The following SMPDL3B variants were observed in gnomAD, a reference collection of about 807,000 sequenced individuals.
The protein encoded by SMPDL3B is acid sphingomyelinase-like phosphodiesterase 3b.
SMPDL3B carries 31 observed loss-of-function variants against 37.9 expected under a neutral mutation model. That is an observed-to-expected ratio of 0.82 (90% CI 0.61 to 1.10). The LOEUF (loss-of-function observed/expected upper bound fraction) is 1.10. Ranked by LOEUF, SMPDL3B falls within the 50% of genes least tolerant of loss-of-function variation. The pLI, the probability that SMPDL3B is intolerant of heterozygous loss-of-function variation, is 0.00. For synonymous variants in SMPDL3B, 235 were observed against 242.6 expected, an observed-to-expected ratio of 0.97 and a Z score of 0.29; for missense variants, 525 against 597.8, an observed-to-expected ratio of 0.88 and a Z score of 1.27.
At chr1:27,942,379 C>T (rs1188524012) in intron 1 of SMPDL3B, 6 of 470,072 alleles carry the variant, frequency 1.3e-5, no homozygotes, top group East Asian at 6.9e-5. Flanking sequence ...GAGCCACTCA[C>T]GGTCTCAGCT....
intron 1 of SMPDL3B, among the ~76,000 whole-genome samples, chr1:27,940,749 C>T (rs992137247): frequency 2.6e-5 from 4 of 152,130 alleles, no homozygotes; most frequent in South Asian, 2.1e-4. Context: ...CCAAGCAGTG[C>T]GAATGTAGAA....
At chr1:27,947,576 C>T (rs1031441609) in intron 2 of SMPDL3B, among the ~76,000 whole-genome samples, 7 of 144,686 alleles carry the variant, frequency 4.8e-5, no homozygotes, top group Admixed American at 4.8e-4. Flanking sequence ...CGAAATTGCG[C>T]CACTGCACTC....
chr1:27,939,249 A>G (rs1222347306), intron 1 of SMPDL3B, among the ~76,000 whole-genome samples: 1 of 152,144 alleles, frequency 6.6e-6, no homozygotes, highest in African/African-American at 2.4e-5. Flanking sequence ...CCATTTTAAG[A>G]ACTTAGGTTT....
chr1:27,944,995 C>T (rs900307181), intron 1 of SMPDL3B, among the ~76,000 whole-genome samples: 22 of 152,136 alleles, frequency 1.4e-4, no homozygotes, highest in African/African-American at 5.1e-4. Context: ...GGGAGGAGGA[C>T]GGGGCCTTGC....
rs750341038 is a variant in SMPDL3B, at chr1:27,945,723, G to A, written c.275+278G>A. Among the ~76,000 whole-genome samples, 7 of 152,116 alleles carry A rather than the reference G, an allele frequency of 4.6e-5. No homozygotes were observed. Among genetic ancestry groups the A allele is most frequent in the African/African-American group, 1.4e-4 (6 of 41,420 alleles). On this transcript the variant is annotated intron_variant, in intron 2 of 7. Transcript: ENST00000373894. The surrounding 1 kb of genome is among the most constrained non-coding windows in gnomAD (Gnocchi z 4.0). Reference sequence around the variant, plus strand: ...GTGGTCCTGGCATGCCTGGGCACCCGGAGAGTGTCCAGGTTTTAAGCTATG... The same window carrying A: ...GTGGTCCTGGCATGCCTGGGCACCCAGAGAGTGTCCAGGTTTTAAGCTATG...
At chr1:27,935,717 T>C (rs867092620) in intron 1 of SMPDL3B, among the ~76,000 whole-genome samples, 3 of 151,622 alleles carry the variant, frequency 2.0e-5, no homozygotes, top group Non-Finnish European at 4.4e-5. Flanking sequence ...ATGGGGAAAA[T>C]AAAGTAGAAC....
rs989202409 is a variant in SMPDL3B, at chr1:27,956,275, A to G, written c.1005+193A>G. ...CACCGAGTCAGGGCAGTGCCTCACC[A>G]AGTCACCTTTTCCCCTGGATGACTG... On this transcript the variant is annotated intron_variant, in intron 7 of 7. Transcript: ENST00000373894. The G allele has an allele frequency of 1.2e-5, 18 of 1,520,544 alleles. No homozygotes were observed. In the African/African-American group the frequency reaches 2.2e-4, roughly 19 times the overall value. 94.2% of individuals were successfully genotyped at this position (1,520,544 alleles called of 1,614,324 possible). A position where few individuals can be genotyped will look rare whatever the true frequency, so the allele number is the denominator to read the frequency against.
chr1:27,950,840 G>A (rs2090450387), intron 3 of SMPDL3B, among the ~76,000 whole-genome samples: 1 of 152,188 alleles, frequency 6.6e-6, no homozygotes, highest in South Asian at 2.1e-4. Flanking sequence ...ATGTTGGCCA[G>A]GCTGGTCTCA....
Position 27,954,484 on chromosome 1 carries a change from G to C in SMPDL3B, c.648G>C (p.Trp216Cys). The C allele has an allele frequency of 6.2e-7, 1 of 1,614,058 alleles. No homozygotes were observed. The highest frequency in any genetic ancestry group is 8.5e-7 in the Non-Finnish European group (1 of 1,180,032). ...CGGACCCTGGCCAGCAGTTCCAGTG[G>C]CTGGAAGATGTGCTGACCGATGCAT... ...DMADPGQQFQ[W>C]LEDVLTDASK... Residue 216 changes from tryptophan (W) to cysteine (C), a missense_variant, in exon 5 of 8, where the codon TGG becomes TGC. Trp to Cys is a radical substitution (Grantham distance 215). Transcript: ENST00000373894.
intron 1 of SMPDL3B, chr1:27,941,584 C>T (rs886545792): frequency 5.3e-5 from 8 of 152,380 alleles, no homozygotes; most frequent in Non-Finnish European, 1.0e-4. Flanking sequence ...AAGGTAAGTT[C>T]ACATGTGATA....
intron 3 of SMPDL3B, among the ~76,000 whole-genome samples, chr1:27,950,815 A>T (rs2090450106): frequency 1.3e-5 from 2 of 152,140 alleles, no homozygotes; most frequent in South Asian, 4.1e-4. Flanking sequence ...TTTTTGGTAG[A>T]GATGGCATTT....
At chr1:27,953,180 C>T (rs755835292) in intron 3 of SMPDL3B, 35 bp from the exon 4 acceptor site, 8 of 1,584,304 alleles carry the variant, frequency 5.0e-6, no homozygotes, top group Non-Finnish European at 6.0e-6. Context: ...AGTGCTTTTG[C>T]ATATATATTT....
chr1:27,935,092 C>A lies in SMPDL3B; in HGVS notation c.-92C>A. ...AACAGGACAAGGAGTTCTGCTCAGG[C>A]ACGTGGCCACAGAAAACTACTTAGG... On this transcript the variant is annotated 5_prime_UTR_variant, in exon 1 of 8. Coordinates refer to ENST00000373894, the MANE Select transcript of SMPDL3B (RefSeq NM_014474.4). 1.1e-6 allele frequency: 1 copy of A among 942,334 alleles called. No homozygotes were observed. Among genetic ancestry groups the A allele is most frequent in the Non-Finnish European group, 1.7e-6 (1 of 589,850 alleles). 58.4% of individuals were successfully genotyped at this position (942,334 alleles called of 1,614,324 possible).
intron 1 of SMPDL3B, among the ~76,000 whole-genome samples, chr1:27,938,551 T>C (rs1296855960): frequency 2.0e-5 from 3 of 152,224 alleles, no homozygotes; most frequent in Admixed American, 6.5e-5. Context: ...TTAAATGTGA[T>C]GGCCTTAAGT....
chr1:27,958,918 T>C lies in SMPDL3B; in HGVS notation c.*80T>C. 1 of 1,431,106 alleles carries C rather than the reference T, an allele frequency of 7.0e-7. No homozygotes were observed. Among genetic ancestry groups the C allele is most frequent in the South Asian group, 1.4e-5 (1 of 72,320 alleles). The allele number at this position is 1,431,106 out of a possible 1,614,324, so 88.7% of individuals were successfully genotyped here. A position where few individuals can be genotyped will look rare whatever the true frequency, so the allele number is the denominator to read the frequency against. On this transcript the variant is annotated 3_prime_UTR_variant, in exon 8 of 8. Coordinates refer to ENST00000373894, the MANE Select transcript of SMPDL3B (RefSeq NM_014474.4). This position sits in a 1 kb window ranked among gnomAD's most constrained non-coding sequence, Gnocchi z 5.6. ...CACCCAGAGCTGGGCCTTCCACCATTTCCTCCGCGCCTGAGGAGTGAACTG... is the reference window on the plus strand; with the variant it reads ...CACCCAGAGCTGGGCCTTCCACCATCTCCTCCGCGCCTGAGGAGTGAACTG...
In SMPDL3B at chr1:27,935,262, T is replaced by C. The variant is rs1177361789; in HGVS notation, c.61+18T>C. ...TGAACCAGGTACAGCACTGGGAATG[T>C]CTGCTATGCCTTTGTTTTGTACTGT... On this transcript the variant is annotated intron_variant, in intron 1 of 7. Transcript: ENST00000373894. 1 of 1,596,174 alleles carries C rather than the reference T, an allele frequency of 6.3e-7. No homozygotes were observed. The highest frequency in any genetic ancestry group is 1.3e-5 in the African/African-American group (1 of 74,552).
Position 27,954,490 on chromosome 1 carries a change from A to G in SMPDL3B, c.654A>G (p.Glu218=). 6.2e-7 allele frequency: 1 copy of G among 1,614,034 alleles called. No individual in the cohort carries two copies. Among genetic ancestry groups the G allele is most frequent in the Non-Finnish European group, 8.5e-7 (1 of 1,180,024 alleles). ...CTGGCCAGCAGTTCCAGTGGCTGGA[A>G]GATGTGCTGACCGATGCATCCAAAG... ...ADPGQQFQWL[E]DVLTDASKAG... is the part of the protein sequence containing the mutation. Residue 218 remains glutamate, a synonymous_variant, in exon 5 of 8, where the codon GAA becomes GAG. Coordinates refer to ENST00000373894, the MANE Select transcript of SMPDL3B (RefSeq NM_014474.4).
Position 27,958,650 on chromosome 1 carries a change from G to C in SMPDL3B, c.1180G>C (p.Val394Leu), listed in dbSNP as rs1303667915. The C allele has an allele frequency of 3.1e-6, 5 of 1,613,996 alleles. No homozygotes were observed. The highest frequency in any genetic ancestry group is 2.2e-5 in the East Asian group (1 of 44,890). The change falls in exon 8 of 8, where the codon GTC (valine) becomes CTC (leucine). Residue 394 changes from valine (V) to leucine (L), a missense_variant. Transcript: ENST00000373894. The surrounding 1 kb of genome is among the most constrained non-coding windows in gnomAD (Gnocchi z 5.6). ...GDQSTLQRYY[V>L]YNSVSYSAGV... Reference sequence around the variant, plus strand: ...CCAGAGCACACTGCAGCGCTACTACGTCTATAACTCAGTCAGCTACTCTGC... The same window carrying C: ...CCAGAGCACACTGCAGCGCTACTACCTCTATAACTCAGTCAGCTACTCTGC...
intron 7 of SMPDL3B, 81 bp downstream of exon 7, chr1:27,956,163 C>A: frequency 6.2e-7 from 1 of 1,612,968 alleles, no homozygotes; most frequent in Non-Finnish European, 8.5e-7. Flanking sequence ...CTCAGCTTAT[C>A]CACCTTCCCC....
Sources: allele counts gnomAD v4.1 joint callset (sites outside exome capture counted in the v4.1 genomes callset), GRCh38; gene constraint gnomAD v4.1.1; non-coding constraint Gnocchi (gnomAD v3.1); transcripts MANE v1.5; gene names NCBI Gene and HGNC (gene_info 2026-07-23, HGNC 2026-07-21).